Variants in DGKG observed in about 807,000 individuals in gnomAD.
The protein encoded by DGKG is diacylglycerol kinase gamma.
Under a neutral mutation model 105.3 loss-of-function variants are expected in DGKG, and 78 were observed. The observed-to-expected ratio is 0.74, with a 90% CI of 0.62 to 0.89. DGKG has a LOEUF of 0.89. Among genes scored for constraint, DGKG ranks in the 40% least tolerant of loss-of-function variants. The probability of loss-of-function intolerance (pLI) is 0.00; values close to 1 mark genes in which losing one functional copy is unlikely to be tolerated. For synonymous variants in DGKG, 346 were observed against 367.1 expected, an observed-to-expected ratio of 0.94 and a Z score of 0.66; for missense variants, 958 against 1,020.1, an observed-to-expected ratio of 0.94 and a Z score of 0.83.
In DGKG at chr3:186,357,779, GACAC is replaced by G. The variant is rs146882720; in HGVS notation, c.-249+4163_-249+4166del. On this transcript the variant is annotated intron_variant, in intron 1 of 24. Coordinates refer to ENST00000265022, the MANE Select transcript of DGKG (RefSeq NM_001346.3). Reference sequence around the variant, plus strand: ...TACAGTGGAAAACGAGACAGACATAGACACACACTTTGCTTGCACCAAGCTTACA... The same window carrying G: ...TACAGTGGAAAACGAGACAGACATAGACACTTTGCTTGCACCAAGCTTACA... 5.3e-3 allele frequency among the ~76,000 whole-genome samples: 803 copies of G among 152,290 alleles called. 11 individuals are homozygous for G. Among genetic ancestry groups the G allele is most frequent in the African/African-American group, 0.018 (761 of 41,560 alleles).
chr3:186,316,204 G>C (rs1724812079), intron 2 of DGKG, among the ~76,000 whole-genome samples: 1 of 152,216 alleles, frequency 6.6e-6, no homozygotes, highest in Non-Finnish European at 1.5e-5. Context: ...GTCTGCCCAG[G>C]ATCCTGACCC....
At chr3:186,273,662 G>A (rs528118547) in intron 10 of DGKG, among the ~76,000 whole-genome samples, 10 of 152,144 alleles carry the variant, frequency 6.6e-5, no homozygotes, top group Non-Finnish European at 1.0e-4. Flanking sequence ...GTGAATCACC[G>A]CGCCAGGCCT....
At chr3:186,232,378 T>G (rs901651265) in intron 20 of DGKG, among the ~76,000 whole-genome samples, 1 of 152,204 alleles carries the variant, frequency 6.6e-6, no homozygotes, top group Non-Finnish European at 1.5e-5. Flanking sequence ...GAAAATATGT[T>G]ATAGCGCTGA....
intron 23 of DGKG, among the ~76,000 whole-genome samples, chr3:186,163,739 T>C (rs1486775918): frequency 1.3e-5 from 2 of 152,184 alleles, no homozygotes; most frequent in East Asian, 1.9e-4. Flanking sequence ...CTCCTCCTTA[T>C]ACATGGCTTT....
chr3:186,262,551 C>A (rs1721826220), intron 14 of DGKG, among the ~76,000 whole-genome samples: 1 of 152,184 alleles, frequency 6.6e-6, no homozygotes, highest in Non-Finnish European at 1.5e-5. Context: ...CCACTCTTGC[C>A]CAAAAACTTG....
At chr3:186,287,488 T>C (rs2108602325) in intron 6 of DGKG, among the ~76,000 whole-genome samples, 1 of 152,370 alleles carries the variant, frequency 6.6e-6, no homozygotes, top group African/African-American at 2.4e-5. Flanking sequence ...TGAAATTTTC[T>C]GTAATAAAAA....
chr3:186,208,329 A>G (rs949755981), intron 21 of DGKG, among the ~76,000 whole-genome samples: 3 of 151,354 alleles, frequency 2.0e-5, no homozygotes, highest in African/African-American at 7.3e-5. Flanking sequence ...AGCGTGAGCC[A>G]CCGCGCCTCG....
At chr3:186,236,550 C>G (rs1720429305) in intron 20 of DGKG, among the ~76,000 whole-genome samples, 1 of 152,212 alleles carries the variant, frequency 6.6e-6, no homozygotes, top group East Asian at 1.9e-4. Flanking sequence ...TTGATGCCAA[C>G]TTACTCTATA....
In DGKG at chr3:186,164,839, G is replaced by A. The variant is rs555494495; in HGVS notation, c.2216+59C>T. On this transcript the variant is annotated intron_variant, in intron 23 of 24. Transcript: ENST00000265022. ...TCCAAAGATGGCTTCTCAGTTGTCT[G>A]CATGAATGTGTACGCAGGCGGGGAG... The A allele has an allele frequency of 8.4e-6, 13 of 1,543,858 alleles. No homozygotes were observed. The South Asian group carries it at 1.5e-4, about 18-fold the overall frequency.
chr3:186,312,122 CAAAAAAAAAAAAAAAAAAAAA>C (rs34286105), intron 2 of DGKG, among the ~76,000 whole-genome samples: 4 of 17,466 alleles, frequency 2.3e-4, no homozygotes, highest in African/African-American at 1.8e-3. Flanking sequence ...GACTCCGTCT[CAAAAAAAAAAAAAAAAAAAAA>C]AAAAAAAAAA....
intron 20 of DGKG, among the ~76,000 whole-genome samples, chr3:186,222,672 G>C (rs1286734079): frequency 6.7e-6 from 1 of 150,136 alleles, no homozygotes; most frequent in East Asian, 2.0e-4. Flanking sequence ...GTGACACCCT[G>C]TCTCTACTAA....
chr3:186,242,512 G>A lies in DGKG; in HGVS notation c.1818C>T (p.Phe606=). The change falls in exon 20 of 25, where the codon TTC becomes TTT. Residue 606 remains phenylalanine (F), a synonymous_variant. Coordinates refer to ENST00000265022, the MANE Select transcript of DGKG (RefSeq NM_001346.3). Reference sequence around the variant, plus strand: ...CCGGGCCTGCAGCTTACCTGCTGTTGAATTTTTCAGGATGTTTCTCTCTCA... The same window carrying A: ...CCGGGCCTGCAGCTTACCTGCTGTTAAATTTTTCAGGATGTTTCTCTCTCA... ...HVMREKHPEK[F]NSRMKNKLWY... 4.3e-6 allele frequency: 7 copies of A among 1,613,230 alleles called. No individual in the cohort carries two copies. Among genetic ancestry groups the A allele is most frequent in the Non-Finnish European group, 5.9e-6 (7 of 1,179,464 alleles).
At chr3:186,324,590 GACAAT>G (rs1261812156) in intron 1 of DGKG, among the ~76,000 whole-genome samples, 1 of 148,702 alleles carries the variant, frequency 6.7e-6, no homozygotes, top group African/African-American at 2.5e-5. Context: ...CTCAAAAGAA[GACAAT>G]ACAAGTGGCC....
chr3:186,306,442 C>T (rs1724243153), intron 3 of DGKG, among the ~76,000 whole-genome samples: 1 of 151,766 alleles, frequency 6.6e-6, no homozygotes, highest in Non-Finnish European at 1.5e-5. Context: ...AGATATGTTG[C>T]TGAAGCAATG....
intron 1 of DGKG, among the ~76,000 whole-genome samples, chr3:186,323,711 C>A (rs545367686): frequency 6.6e-6 from 1 of 151,928 alleles, no homozygotes; most frequent in East Asian, 1.9e-4. Flanking sequence ...CCGAGACGGG[C>A]GGATCACAAG....
At chr3:186,205,971 A>T (rs1043956596) in intron 21 of DGKG, among the ~76,000 whole-genome samples, 12 of 152,030 alleles carry the variant, frequency 7.9e-5, no homozygotes, top group Admixed American at 7.2e-4. Flanking sequence ...ATAACCAGAT[A>T]TTTTTTTTGA....
chr3:186,217,391 C>T (rs1057079717), intron 20 of DGKG, among the ~76,000 whole-genome samples: 7 of 152,114 alleles, frequency 4.6e-5, no homozygotes, highest in Non-Finnish European at 1.0e-4. Flanking sequence ...CTGAACTATC[C>T]AGATGAACCC....
intron 22 of DGKG, among the ~76,000 whole-genome samples, chr3:186,185,651 G>A (rs74387173): frequency 2.4e-3 from 368 of 152,182 alleles, no homozygotes; most frequent in Non-Finnish European, 3.6e-3. Context: ...GAGCACCAGG[G>A]TAGGAAAATT....
At chr3:186,340,576 G>A (rs1377826861) in intron 1 of DGKG, among the ~76,000 whole-genome samples, 1 of 152,158 alleles carries the variant, frequency 6.6e-6, no homozygotes, top group Non-Finnish European at 1.5e-5. Context: ...AGTTTGGTCA[G>A]AAAGCCACCC....
Sources: gnomAD v4.1 joint callset for allele counts (sites outside exome capture counted in the v4.1 genomes callset) on GRCh38, gnomAD v4.1.1 for gene constraint, MANE v1.5 for transcripts, NCBI Gene and HGNC (gene_info 2026-07-23, HGNC 2026-07-21) for gene names.